Variants in RFFL observed in about 807,000 individuals in gnomAD.
RFFL encodes the protein ring finger and FYVE like domain containing E3 ubiquitin protein ligase.
RFFL carries 16 observed loss-of-function variants against 40.4 expected under a neutral mutation model. That is an observed-to-expected ratio of 0.40 (90% CI 0.27 to 0.60). The LOEUF (loss-of-function observed/expected upper bound fraction) is 0.60, where lower values mean the gene tolerates loss of function less well. Among genes scored for constraint, RFFL ranks in the 20% least tolerant of loss-of-function variants. The pLI is 0.47. For synonymous variants in RFFL, 154 were observed against 167.9 expected (o/e 0.92, Z 0.64); for missense variants, 367 against 451.7 (o/e 0.81, Z 1.70).
At chr17:35,088,419 C>G (rs748458138) in intron 1 of RFFL, among the ~76,000 whole-genome samples, 17 of 152,324 alleles carry the variant, frequency 1.1e-4, no homozygotes, top group Admixed American at 2.6e-4. Context: ...AAGCTCTGAG[C>G]AGACGTGCCA....
intron 2 of RFFL, 93 bp from the exon 3 acceptor site, chr17:35,021,874 G>T: frequency 5.7e-6 from 7 of 1,226,236 alleles, no homozygotes; most frequent in Non-Finnish European, 8.3e-6. Flanking sequence ...AGCCCAGCAG[G>T]ATCTCCTCCA....
intron 1 of RFFL, among the ~76,000 whole-genome samples, chr17:35,080,349 G>A (rs2091397847): frequency 6.6e-6 from 1 of 152,128 alleles, no homozygotes; most frequent in South Asian, 2.1e-4. Flanking sequence ...CATTATGAAG[G>A]TAAAAAAGCA....
intron 1 of RFFL, among the ~76,000 whole-genome samples, chr17:35,033,985 A>G (rs886199143): frequency 2.0e-5 from 3 of 151,796 alleles, no homozygotes; most frequent in Non-Finnish European, 4.4e-5. Context: ...TACTGAAAAT[A>G]CAAAAAAATT....
rs28696359 is a variant in RFFL, at chr17:35,076,791, G to A, written c.-9+12314C>T. On this transcript the variant is annotated intron_variant, in intron 1 of 6. Coordinates refer to the RFFL transcript ENST00000315249. The stretch of plus-strand genomic sequence containing the variant: ...GCATCACAATAAGACGTGACAGGAC[G>A]TACCACCTTCAGAAGTCGACCTGTG... 1,895 of 211,988 alleles carry A rather than the reference G, an allele frequency of 8.9e-3. 38 individuals carry two copies. Among genetic ancestry groups the A allele is most frequent in the African/African-American group, 0.041 (1,764 of 42,906 alleles). 13.1% of individuals were successfully genotyped at this position (211,988 alleles called of 1,614,324 possible). A position where few individuals can be genotyped will look rare whatever the true frequency, so the allele number is the denominator to read the frequency against.
chr17:35,022,003 C>G (rs1304823087), intron 2 of RFFL, among the ~76,000 whole-genome samples: 1 of 152,210 alleles, frequency 6.6e-6, no homozygotes, highest in Non-Finnish European at 1.5e-5. Flanking sequence ...TATCCATGTA[C>G]AGGACACTTC....
chr17:35,076,471 G>A (rs138674936), intron 1 of RFFL, among the ~76,000 whole-genome samples: 6,776 of 151,528 alleles, frequency 0.045, 484 homozygotes, highest in African/African-American at 0.15. Context: ...ACCTGAGGTC[G>A]GGAGTTCAAG....
intron 6 of RFFL, among the ~76,000 whole-genome samples, 168 bp from the exon 7 acceptor site, chr17:35,012,317 C>T (rs545081338): frequency 2.0e-5 from 3 of 152,350 alleles, no homozygotes; most frequent in East Asian, 1.9e-4. Flanking sequence ...AACATTTCCT[C>T]AATAACCAAC....
intron 2 of RFFL, 99 bp downstream of exon 2, chr17:35,026,275 C>T (rs2142327312): frequency 1.7e-6 from 2 of 1,210,652 alleles, no homozygotes. Context: ...CAGCATCACA[C>T]AGGGAAAGGA....
intron 1 of RFFL, among the ~76,000 whole-genome samples, chr17:35,027,871 A>G (rs912750029): frequency 2.0e-5 from 3 of 151,860 alleles, no homozygotes; most frequent in Admixed American, 1.3e-4. Context: ...TGTCTCTACT[A>G]AAAATATAAA....
intron 1 of RFFL, among the ~76,000 whole-genome samples, chr17:35,029,691 A>AT (rs1006843048): frequency 1.3e-4 from 19 of 149,342 alleles, no homozygotes; most frequent in Admixed American, 2.0e-4. Context: ...CTAATTTTTT[A>AT]TTTTTTTTTA....
intron 1 of RFFL, among the ~76,000 whole-genome samples, chr17:35,061,375 G>C (rs1214599880): frequency 1.3e-5 from 2 of 152,120 alleles, no homozygotes; most frequent in Non-Finnish European, 2.9e-5. Context: ...TCAGAAAATG[G>C]TGGTATCCGT....
At chr17:35,072,185 G>A (rs573022652) in intron 1 of RFFL, among the ~76,000 whole-genome samples, 1 of 152,062 alleles carries the variant, frequency 6.6e-6, no homozygotes, top group East Asian at 1.9e-4. Context: ...GGAGGCTGAA[G>A]TGGGAGGATG....
intron 1 of RFFL, among the ~76,000 whole-genome samples, chr17:35,087,978 C>A (rs2091439292): frequency 6.6e-6 from 1 of 152,172 alleles, no homozygotes; most frequent in African/African-American, 2.4e-5. Context: ...TGTCCCCTGC[C>A]TACTCCCATT....
At chr17:35,020,577 G>A (rs980639652) in intron 3 of RFFL, among the ~76,000 whole-genome samples, 4 of 151,782 alleles carry the variant, frequency 2.6e-5, no homozygotes, top group African/African-American at 9.7e-5. Flanking sequence ...TGCCAAAAAG[G>A]TTAGGGGCCG....
chr17:35,039,633 C>CTTT (rs1329401361), intron 1 of RFFL, among the ~76,000 whole-genome samples: 1 of 151,908 alleles, frequency 6.6e-6, no homozygotes, highest in East Asian at 1.9e-4. Flanking sequence ...CAGTAAAGCT[C>CTTT]TTTTTCTGTG....
At chr17:35,085,745 C>T (rs767297723) in intron 1 of RFFL, among the ~76,000 whole-genome samples, 7 of 152,142 alleles carry the variant, frequency 4.6e-5, no homozygotes. Context: ...AGATTTTATG[C>T]TTTAAAAAGG....
At chr17:35,022,845 CT>C (rs1217450470) in intron 2 of RFFL, among the ~76,000 whole-genome samples, 1 of 152,242 alleles carries the variant, frequency 6.6e-6, no homozygotes, top group Non-Finnish European at 1.5e-5. Flanking sequence ...CATCAGGGTA[CT>C]CTCGTTCCTG....
chr17:35,027,679 G>A lies in RFFL; in HGVS notation c.-8-1118C>T, dbSNP rs190605916. On this transcript the variant is annotated intron_variant, in intron 1 of 6. Coordinates refer to ENST00000394597, the MANE Select transcript of RFFL (RefSeq NM_001017368.2). ...GTAGAGGTTGTGGTGACCCCAGATC[G>A]TGCCACTGCACTCTAGCCTGGACAA... 1.6e-3 allele frequency among the ~76,000 whole-genome samples: 235 copies of A among 147,700 alleles called. 1 individual carries two copies. The highest frequency in any genetic ancestry group is 5.5e-3 in the African/African-American group (221 of 40,278).
intron 1 of RFFL, among the ~76,000 whole-genome samples, chr17:35,031,188 C>T (rs1276977944): frequency 1.3e-5 from 2 of 151,936 alleles, no homozygotes; most frequent in East Asian, 3.9e-4. Flanking sequence ...CTCACTGCAA[C>T]CTCTGCCTCC....
Sources: gnomAD v4.1 joint callset for allele counts (sites outside exome capture counted in the v4.1 genomes callset) on GRCh38, gnomAD v4.1.1 for gene constraint, MANE v1.5 for transcripts, NCBI Gene and HGNC (gene_info 2026-07-23, HGNC 2026-07-21) for gene names.